Variants in HMSD observed in about 807,000 individuals in gnomAD.
HMSD encodes the protein histocompatibility minor serpin domain containing, also known as serpin-like protein HMSD.
A neutral mutation model predicts 10.0 loss-of-function variants in HMSD; 13 were observed. That is an observed-to-expected ratio of 1.31 (90% confidence interval 0.85 to 2.08). HMSD has a LOEUF of 2.08. Ranked by LOEUF, HMSD falls within the 30% of genes most tolerant of loss-of-function variation. HMSD has a pLI of 0.00. For missense variants in HMSD, 169 were observed against 166.3 expected (o/e 1.02, Z -0.09); for synonymous variants, 51 against 54.2 (o/e 0.94, Z 0.26).
In HMSD at chr18:63,954,457, G is replaced by A; in HGVS notation, c.122G>A (p.Gly41Asp). The A allele has an allele frequency of 6.2e-7, 1 of 1,613,410 alleles. No homozygotes were observed. The highest frequency in any genetic ancestry group is 8.5e-7 in the Non-Finnish European group (1 of 1,179,406). ...GGTGAAGATGGAGATATTCATCGAGGTTTTCAGTCACTTCTTGTTGCAATT... is the reference window on the plus strand; with the variant it reads ...GGTGAAGATGGAGATATTCATCGAGATTTTCAGTCACTTCTTGTTGCAATT... ...IGGEDGDIHR[G>D]FQSLLVAINR... The change falls in exon 3 of 4, where the codon GGT (glycine) becomes GAT (aspartate). Residue 41 changes from glycine to aspartate, a missense_variant. Gly to Asp is a moderately conservative substitution (Grantham distance 94). Transcript: ENST00000408945.
At chr18:63,949,835 C>T (rs915671723) in intron 1 of HMSD, among the ~76,000 whole-genome samples, 1 of 152,154 alleles carries the variant, frequency 6.6e-6, no homozygotes, top group African/African-American at 2.4e-5. Flanking sequence ...TACCGAAACT[C>T]GTATGCTCTC....
intron 3 of HMSD, among the ~76,000 whole-genome samples, chr18:63,958,869 A>C (rs942277709): frequency 5.9e-5 from 9 of 152,134 alleles, no homozygotes; most frequent in African/African-American, 2.2e-4. Flanking sequence ...ATGGAACAAC[A>C]GACTCATATT....
downstream of HMSD, among the ~76,000 whole-genome samples, chr18:63,963,133 CCTT>C (rs1568261440): frequency 0.01 from 1,122 of 108,458 alleles, 19 homozygotes; most frequent in Non-Finnish European, 0.016. Flanking sequence ...TTCTTTCTTT[CCTT>C]TCTTTCTTCT....
downstream of HMSD, among the ~76,000 whole-genome samples, chr18:63,966,103 A>T (rs1460987855): frequency 1.3e-5 from 2 of 152,226 alleles, no homozygotes; most frequent in East Asian, 1.9e-4. Flanking sequence ...CACCCACATG[A>T]CGCAGACACC....
At chr18:63,956,455 T>A (rs1422281613) in intron 3 of HMSD, among the ~76,000 whole-genome samples, 2 of 151,952 alleles carry the variant, frequency 1.3e-5, no homozygotes, top group Admixed American at 6.6e-5. Flanking sequence ...AGATGACATA[T>A]GCGTGGCCAA....
At chr18:63,963,115 T>TTCTTTC (rs1403897114), downstream of HMSD, among the ~76,000 whole-genome samples, 2 of 139,760 alleles carry the variant, frequency 1.4e-5, no homozygotes, top group African/African-American at 5.3e-5. Flanking sequence ...CTTTCTTTCT[T>TTCTTTC]TCTTTCTTTC....
chr18:63,965,649 A>G (rs2050406459), downstream of HMSD, among the ~76,000 whole-genome samples: 1 of 152,214 alleles, frequency 6.6e-6, no homozygotes. Flanking sequence ...AGGCTCTACA[A>G]CATGTATGTT....
At chr18:63,966,777 T>A (rs977712647), downstream of HMSD, 1 of 152,268 alleles carries the variant, frequency 6.6e-6, no homozygotes, top group Non-Finnish European at 1.5e-5. Context: ...TCTGGGAATG[T>A]GGCCATACTG....
Position 63,953,470 on chromosome 18 carries a change from A to G in HMSD, c.15A>G (p.Ser5=), listed in dbSNP as rs2050341487. The change falls in exon 2 of 4, where the codon TCA becomes TCG. Residue 5 remains serine (S), a synonymous_variant. Transcript: ENST00000408945. MSIS[S]ALAMVFMGAK... is the part of the protein sequence containing the mutation. ...TTTTTTTCCCCATGAGCATATCATCAGCCTTGGCCATGGTTTTCATGGGGG... is the reference window on the plus strand; with the variant it reads ...TTTTTTTCCCCATGAGCATATCATCGGCCTTGGCCATGGTTTTCATGGGGG... The G allele has an allele frequency of 1.2e-6, 2 of 1,613,862 alleles. No individual in the cohort carries two copies. Among genetic ancestry groups the G allele is most frequent in the Non-Finnish European group, 1.7e-6 (2 of 1,179,886 alleles).
intron 2 of HMSD, 124 bp downstream of exon 2, chr18:63,953,651 GTGGA>G (rs1468037334): frequency 6.4e-5 from 50 of 785,570 alleles, no homozygotes; most frequent in Non-Finnish European, 1.0e-4. Flanking sequence ...CTCACAGGAT[GTGGA>G]TGGAGAATTG....
At chr18:63,954,057 G>T (rs1257376317) in intron 2 of HMSD, among the ~76,000 whole-genome samples, 1 of 152,204 alleles carries the variant, frequency 6.6e-6, no homozygotes, top group Non-Finnish European at 1.5e-5. Context: ...AGCACCATGT[G>T]TATGCAGAGA....
Position 63,960,283 on chromosome 18 carries a change from T to TA in HMSD, c.349dup (p.Ile117AsnfsTer8). On this transcript the variant is annotated frameshift_variant, in exon 4 of 4. Coordinates refer to ENST00000408945, the MANE Select transcript of HMSD (RefSeq NM_001123366.2). LOFTEE classifies it low-confidence loss of function (END_TRUNC). Reference sequence around the variant, plus strand: ...TTGCTGATAAAACTAAAGGTGAAAATATATTGTTATTCTATTTCGATAATA... The same window carrying TA: ...TTGCTGATAAAACTAAAGGTGAAAATAATATTGTTATTCTATTTCGATAATA... The TA allele has an allele frequency of 6.2e-7, 1 of 1,611,780 alleles. No homozygotes were observed. The highest frequency in any genetic ancestry group is 8.5e-7 in the Non-Finnish European group (1 of 1,178,846).
downstream of HMSD, among the ~76,000 whole-genome samples, chr18:63,963,983 C>T (rs1195594208): frequency 6.6e-6 from 1 of 152,236 alleles, no homozygotes; most frequent in Non-Finnish European, 1.5e-5. Context: ...GCCATTTCTG[C>T]ATTTGGTCAA....
downstream of HMSD, among the ~76,000 whole-genome samples, chr18:63,963,251 C>G (rs912198460): frequency 1.4e-5 from 2 of 144,532 alleles, no homozygotes; most frequent in Non-Finnish European, 3.0e-5. Context: ...TTCCTTGCTT[C>G]CTTCCTTCCT....
intron 3 of HMSD, among the ~76,000 whole-genome samples, chr18:63,967,717 G>T (rs1427858231): frequency 3.3e-5 from 5 of 152,170 alleles, no homozygotes. Flanking sequence ...GAAGAGATGT[G>T]AAGTTAGGTA....
At chr18:63,950,577 A>G (rs1267855131) in intron 1 of HMSD, among the ~76,000 whole-genome samples, 1 of 152,246 alleles carries the variant, frequency 6.6e-6, no homozygotes, top group East Asian at 1.9e-4. Context: ...AGTGGTTACA[A>G]AAACCAACCT....
chr18:63,955,386 T>C (rs1377379162), intron 3 of HMSD, among the ~76,000 whole-genome samples: 1 of 152,196 alleles, frequency 6.6e-6, no homozygotes, highest in South Asian at 2.1e-4. Context: ...TATTTAAGCT[T>C]ATTTACTCTG....
At chr18:63,957,414 A>G (rs769370507) in intron 3 of HMSD, among the ~76,000 whole-genome samples, 74 of 151,956 alleles carry the variant, frequency 4.9e-4, no homozygotes, top group Non-Finnish European at 1.3e-4. Context: ...ATCCTCTTAC[A>G]CATTTTTCTA....
rs1378885943 is a variant in HMSD at position 63,960,548 on chromosome 18, G to A, written c.*193G>A. The A allele has an allele frequency of 2.2e-5, 18 of 801,114 alleles. No individual in the cohort carries two copies. The East Asian group carries it at 7.4e-4, about 33-fold the overall frequency. The allele number at this position is 801,114 out of a possible 1,614,324, so 49.6% of individuals were successfully genotyped here. A position where few individuals can be genotyped will look rare whatever the true frequency, so the allele number is the denominator to read the frequency against. On this transcript the variant is annotated 3_prime_UTR_variant, in exon 4 of 4. Coordinates refer to ENST00000408945, the MANE Select transcript of HMSD (RefSeq NM_001123366.2). ...TAGGTAGTTTTTCTTTTCACAAATA[G>A]CGTTAAAATTTGAATTTAAAAATTT...
Sources: gnomAD v4.1 joint callset for allele counts (sites outside exome capture counted in the v4.1 genomes callset) on GRCh38, gnomAD v4.1.1 for gene constraint, MANE v1.5 for transcripts, NCBI Gene and HGNC (gene_info 2026-07-23, HGNC 2026-07-21) for gene names.